PPP1R12B: variants seen among roughly 807,000 people sequenced by gnomAD.
PPP1R12B encodes protein phosphatase 1 regulatory subunit 12B.
In PPP1R12B, 76 loss-of-function variants were observed where a neutral mutation model predicts 126.1. The ratio of observed to expected loss-of-function variants is 0.60; its 90% CI spans 0.50 to 0.73. The LOEUF (loss-of-function observed/expected upper bound fraction) is 0.73. Among genes scored for constraint, PPP1R12B ranks in the 30% least tolerant of loss-of-function variants. The pLI, the probability that PPP1R12B is intolerant of heterozygous loss-of-function variation, is 0.00. For missense variants in PPP1R12B, 1,052 were observed against 1,205.1 expected (o/e 0.87, Z 1.88); for synonymous variants, 356 against 434.7 (o/e 0.82, Z 2.25).
At chr1:202,409,083 C>T (rs1667042379) in intron 1 of PPP1R12B, among the ~76,000 whole-genome samples, 1 of 151,946 alleles carries the variant, frequency 6.6e-6, no homozygotes, top group Non-Finnish European at 1.5e-5. Flanking sequence ...AGGCAGTTCA[C>T]TCGCCTCAGC....
chr1:202,429,309 C>T (rs528356517), intron 6 of PPP1R12B, among the ~76,000 whole-genome samples: 1 of 152,244 alleles, frequency 6.6e-6, no homozygotes, highest in East Asian at 1.9e-4. Context: ...GACTAAAAGA[C>T]TATCTTTATT....
At chr1:202,357,086 A>G (rs773986125) in intron 1 of PPP1R12B, among the ~76,000 whole-genome samples, 1 of 152,016 alleles carries the variant, frequency 6.6e-6, no homozygotes, top group African/African-American at 2.4e-5. Context: ...CCTCCCAAGG[A>G]TTACAGGTGT....
intron 18 of PPP1R12B, among the ~76,000 whole-genome samples, chr1:202,547,993 G>C (rs1352453333): frequency 4.6e-5 from 7 of 152,206 alleles, no homozygotes; most frequent in Admixed American, 4.6e-4. Context: ...GCTGTACCAA[G>C]CACTTACATT....
chr1:202,492,810 A>AC (rs1467621080), intron 14 of PPP1R12B, among the ~76,000 whole-genome samples: 1 of 152,100 alleles, frequency 6.6e-6, no homozygotes. Context: ...GATACTGAGA[A>AC]CTATTTGGTA....
In PPP1R12B at chr1:202,449,057, C is replaced by G; in HGVS notation, c.1736C>G (p.Pro579Arg). The change falls in exon 13 of 24, where the codon CCG (proline) becomes CGG (arginine). Residue 579 changes from proline (P) to arginine (R), a missense_variant. Pro to Arg is a moderately radical substitution (Grantham distance 103, BLOSUM62 -2). Coordinates refer to ENST00000608999, the MANE Select transcript of PPP1R12B (RefSeq NM_002481.4). ...GCAGACAATGTCTCTTCTAGCACCC[C>G]GCTCTGTGTGATCACCAATCGCCCT... is the stretch of plus-strand genomic sequence containing the variant. Reference protein sequence around the residue: ...KTADNVSSSTPLCVITNRPLP... With the variant: ...KTADNVSSSTRLCVITNRPLP... 1 of 1,613,888 alleles carries G rather than the reference C, an allele frequency of 6.2e-7. No individual in the cohort carries two copies. Among genetic ancestry groups the G allele is most frequent in the South Asian group, 1.1e-5 (1 of 91,076 alleles).
chr1:202,548,068 G>A (rs10920421), intron 18 of PPP1R12B, among the ~76,000 whole-genome samples: 66,062 of 152,034 alleles, frequency 0.43, 15,697 homozygotes, highest in East Asian at 0.71. Flanking sequence ...TTTAATGACA[G>A]GGACACTGAA....
chr1:202,390,458 A>G (rs1663956202), intron 1 of PPP1R12B, among the ~76,000 whole-genome samples: 1 of 152,234 alleles, frequency 6.6e-6, no homozygotes, highest in Non-Finnish European at 1.5e-5. Flanking sequence ...AGCATGAGCA[A>G]CAAAAGAAAA....
chr1:202,433,743 T>C (rs897543864), intron 8 of PPP1R12B, among the ~76,000 whole-genome samples: 3 of 152,216 alleles, frequency 2.0e-5, no homozygotes, highest in Non-Finnish European at 4.4e-5. Flanking sequence ...TCTTTAGGTT[T>C]TTCTAATATA....
chr1:202,452,066 CG>C (rs1673036961), intron 13 of PPP1R12B, among the ~76,000 whole-genome samples: 1 of 149,476 alleles, frequency 6.7e-6, no homozygotes, highest in Middle Eastern at 3.5e-3. Flanking sequence ...ACATCCCAGA[CG>C]GGGCGGCGGG....
At chr1:202,555,417 A>G (rs1293934339) in intron 18 of PPP1R12B, among the ~76,000 whole-genome samples, 1 of 149,230 alleles carries the variant, frequency 6.7e-6, no homozygotes, top group African/African-American at 2.5e-5. Context: ...AACTAAAGAT[A>G]TAGTAAAATC....
intron 18 of PPP1R12B, among the ~76,000 whole-genome samples, chr1:202,511,991 G>A (rs1231021408): frequency 1.3e-5 from 2 of 152,062 alleles, no homozygotes; most frequent in Non-Finnish European, 2.9e-5. Flanking sequence ...TAGGAATTTG[G>A]ACTTTATGGG....
chr1:202,439,537 C>T lies in PPP1R12B; in HGVS notation c.1459-1169C>T, dbSNP rs539732492. On this transcript the variant is annotated intron_variant, in intron 10 of 23. Transcript: ENST00000608999. ...ACTGCTGTTGCCTTGGGGGGTGTGG[C>T]GCTCTCTGTGGTCACTCCTGCCAGG... 480 of 1,523,056 alleles carry T rather than the reference C, an allele frequency of 3.2e-4. No individual in the cohort carries two copies. In the African/African-American group the frequency reaches 5.2e-3, roughly 17 times the overall value. 94.3% of individuals were successfully genotyped at this position (1,523,056 alleles called of 1,614,324 possible).
intron 13 of PPP1R12B, among the ~76,000 whole-genome samples, chr1:202,484,405 T>C (rs567269998): frequency 6.6e-6 from 1 of 152,348 alleles, no homozygotes; most frequent in East Asian, 1.9e-4. Flanking sequence ...CTCTTTTGTT[T>C]CTGTAATTTA....
chr1:202,498,126 G>T (rs1679792740), intron 18 of PPP1R12B, among the ~76,000 whole-genome samples: 2 of 152,174 alleles, frequency 1.3e-5, no homozygotes, highest in South Asian at 4.1e-4. Flanking sequence ...GAAAATCCTA[G>T]CCTAGAGGGT....
At chr1:202,396,681 T>G (rs1413577749) in intron 1 of PPP1R12B, among the ~76,000 whole-genome samples, 1 of 152,194 alleles carries the variant, frequency 6.6e-6, no homozygotes, top group Non-Finnish European at 1.5e-5. Flanking sequence ...CTGCAAGGCT[T>G]GGCTCACTGC....
At chr1:202,509,981 T>A (rs1399513578) in intron 18 of PPP1R12B, among the ~76,000 whole-genome samples, 1 of 152,190 alleles carries the variant, frequency 6.6e-6, no homozygotes, top group Non-Finnish European at 1.5e-5. Context: ...ATGGCATAAT[T>A]AATTTTGTGC....
At chr1:202,469,142 A>G (rs1675488686) in intron 13 of PPP1R12B, among the ~76,000 whole-genome samples, 2 of 152,200 alleles carry the variant, frequency 1.3e-5, no homozygotes, top group African/African-American at 4.8e-5. Context: ...AGAGTACCTA[A>G]TAAAGGGTAG....
chr1:202,477,716 T>C (rs1676846368), intron 13 of PPP1R12B, among the ~76,000 whole-genome samples: 1 of 152,150 alleles, frequency 6.6e-6, no homozygotes, highest in South Asian at 2.1e-4. Context: ...TGTCCATTTA[T>C]AGTGTGTGAA....
At chr1:202,368,353 T>C (rs1449767423) in intron 1 of PPP1R12B, among the ~76,000 whole-genome samples, 1 of 152,178 alleles carries the variant, frequency 6.6e-6, no homozygotes, top group Non-Finnish European at 1.5e-5. Flanking sequence ...TTGCTCCGCT[T>C]CGCCCTCCAC....
Sources: gnomAD v4.1 joint callset for allele counts (sites outside exome capture counted in the v4.1 genomes callset) on GRCh38, gnomAD v4.1.1 for gene constraint, MANE v1.5 for transcripts, NCBI Gene and HGNC (gene_info 2026-07-23, HGNC 2026-07-21) for gene names.